PIK3C3: variants seen among roughly 807,000 people sequenced by gnomAD.
PIK3C3 encodes phosphatidylinositol 3-kinase catalytic subunit type 3, also known as PI3-kinase type 3.
Under a neutral mutation model 126.1 loss-of-function variants are expected in PIK3C3, and 95 were observed. That is an observed-to-expected ratio of 0.75 (90% CI 0.64 to 0.89). The LOEUF is 0.89. PIK3C3 is among the 40% of genes least tolerant of loss of function. The probability of loss-of-function intolerance (pLI) is 0.00; values close to 1 mark genes in which losing one functional copy is unlikely to be tolerated. For synonymous variants in PIK3C3, 374 were observed against 360.0 expected, an observed-to-expected ratio of 1.04 and a Z score of -0.44; for missense variants, 829 against 1,063.2, an observed-to-expected ratio of 0.78 and a Z score of 3.06.
At chr18:42,046,811 A>G (rs1984578428) in intron 20 of PIK3C3, among the ~76,000 whole-genome samples, 1 of 152,120 alleles carries the variant, frequency 6.6e-6, no homozygotes, top group African/African-American at 2.4e-5. Context: ...GACACTTTAA[A>G]CTATTGAAGC....
At chr18:42,074,195 G>A (rs754549466) in intron 24 of PIK3C3, among the ~76,000 whole-genome samples, 24 of 152,078 alleles carry the variant, frequency 1.6e-4, no homozygotes, top group Non-Finnish European at 3.4e-4. Context: ...ATACCATAAT[G>A]TGTTTTCATT....
intron 10 of PIK3C3, among the ~76,000 whole-genome samples, chr18:42,007,318 T>C (rs1567980256): frequency 6.6e-6 from 1 of 152,184 alleles, no homozygotes; most frequent in Non-Finnish European, 1.5e-5. Context: ...ACTTTAAATA[T>C]ATGACTAGAC....
intron 24 of PIK3C3, among the ~76,000 whole-genome samples, chr18:42,075,369 A>G (rs902633592): frequency 3.9e-5 from 6 of 152,134 alleles, no homozygotes; most frequent in African/African-American, 7.2e-5. Flanking sequence ...GCTTAAGTAA[A>G]TAATGTAACA....
intron 4 of PIK3C3, among the ~76,000 whole-genome samples, chr18:41,983,160 T>A (rs1195660293): frequency 6.6e-6 from 1 of 152,160 alleles, no homozygotes; most frequent in Non-Finnish European, 1.5e-5. Context: ...TTTAAGTGCT[T>A]ACTATATTGA....
At chr18:41,966,245 C>G (rs182213684) in intron 3 of PIK3C3, among the ~76,000 whole-genome samples, 1 of 141,536 alleles carries the variant, frequency 7.1e-6, no homozygotes, top group East Asian at 2.2e-4. Context: ...TCTGAGCTCA[C>G]TGCAACCTCC....
rs1433909068 is a variant in PIK3C3, at chr18:42,013,608, C to T, written c.1325+12C>T. 6.5e-7 allele frequency: 1 copy of T among 1,548,348 alleles called. No homozygotes were observed. Among genetic ancestry groups the T allele is most frequent in the South Asian group, 1.2e-5 (1 of 83,470 alleles). On this transcript the variant is annotated intron_variant, in intron 11 of 24. Coordinates refer to ENST00000262039, the MANE Select transcript of PIK3C3 (RefSeq NM_002647.4). ...GCAGAAATAGATAGGTATGGATATC[C>T]AGGGAGGACATATTTTCTAGTTTGT...
intron 12 of PIK3C3, among the ~76,000 whole-genome samples, chr18:42,018,385 A>C (rs1983171830): frequency 6.6e-6 from 1 of 152,114 alleles, no homozygotes; most frequent in Admixed American, 6.6e-5. Flanking sequence ...TTGCTATTGA[A>C]ATATATACAT....
intron 14 of PIK3C3, among the ~76,000 whole-genome samples, chr18:42,027,902 T>C (rs1161636627): frequency 6.6e-6 from 1 of 152,146 alleles, no homozygotes. Context: ...GTGATGCACC[T>C]GCCTCGGCCT....
chr18:42,015,594 A>G (rs1335279957), intron 12 of PIK3C3, 28 bp downstream of exon 12: 9 of 1,488,864 alleles, frequency 6.0e-6, no homozygotes, highest in African/African-American at 2.8e-5. Context: ...CCAGCTTCCT[A>G]TAGGAGAGAT....
chr18:41,979,397 A>G (rs1981086477), intron 4 of PIK3C3, among the ~76,000 whole-genome samples: 1 of 152,194 alleles, frequency 6.6e-6, no homozygotes, highest in South Asian at 2.1e-4. Flanking sequence ...ATATACTTGC[A>G]TGTTATCTCT....
In PIK3C3 at chr18:42,037,857, T is replaced by C. The variant is rs779790615; in HGVS notation, c.1968+37T>C. 17 of 1,577,486 alleles carry C rather than the reference T, an allele frequency of 1.1e-5. No homozygotes were observed. In the African/African-American group the frequency reaches 1.2e-4, roughly 11 times the overall value. ...CTTATGTTGGTGGGGAACATTTTTT[T>C]CGTTTTGGAATACTGTGGCTTAGTT... is the stretch of plus-strand genomic sequence containing the variant. On this transcript the variant is annotated intron_variant, in intron 17 of 24. Transcript: ENST00000262039.
intron 13 of PIK3C3, among the ~76,000 whole-genome samples, chr18:42,023,030 A>G: frequency 6.6e-6 from 1 of 152,198 alleles, no homozygotes; most frequent in Non-Finnish European, 1.5e-5. Flanking sequence ...TAAGTTTTTG[A>G]GTAAATATTT....
chr18:42,009,046 A>G (rs1027051416), intron 10 of PIK3C3, among the ~76,000 whole-genome samples: 1 of 151,726 alleles, frequency 6.6e-6, no homozygotes, highest in East Asian at 1.9e-4. Flanking sequence ...AATTACTTAT[A>G]CCTCCAAAGA....
chr18:42,086,180 A>G lies in PIK3C3; in HGVS notation c.*5043A>G, dbSNP rs1371135646. 6.6e-6 allele frequency: 1 copy of G among 152,238 alleles called. No homozygotes were observed. Among genetic ancestry groups the G allele is most frequent in the African/African-American group, 2.4e-5 (1 of 41,462 alleles). 9.4% of individuals were successfully genotyped at this position (152,238 alleles called of 1,614,324 possible). On this transcript the variant is annotated 3_prime_UTR_variant, in exon 25 of 25. Coordinates refer to ENST00000262039, the MANE Select transcript of PIK3C3 (RefSeq NM_002647.4). ...TCAGTGTTTGCATTAGATTGTCACC[A>G]GCACTATCTGCCTTGTGACTGTCAG... is the stretch of plus-strand genomic sequence containing the variant.
At chr18:42,062,261 T>C (rs1358502450) in intron 22 of PIK3C3, among the ~76,000 whole-genome samples, 2 of 150,630 alleles carry the variant, frequency 1.3e-5, no homozygotes, top group South Asian at 2.1e-4. Flanking sequence ...TTTTATAATA[T>C]GTAACAGCGG....
intron 24 of PIK3C3, among the ~76,000 whole-genome samples, chr18:42,079,595 A>G (rs775293218): frequency 3.6e-4 from 55 of 152,152 alleles, no homozygotes; most frequent in Non-Finnish European, 6.8e-4. Flanking sequence ...AAAACAAAAC[A>G]AAACAGTATC....
chr18:42,016,632 A>C (rs531597777), intron 12 of PIK3C3, among the ~76,000 whole-genome samples: 1 of 152,174 alleles, frequency 6.6e-6, no homozygotes, highest in Non-Finnish European at 1.5e-5. Context: ...CCATATGGCT[A>C]TCTGGGGAAG....
At chr18:41,966,316 C>T (rs555692973) in intron 3 of PIK3C3, among the ~76,000 whole-genome samples, 2 of 151,702 alleles carry the variant, frequency 1.3e-5, no homozygotes, top group Non-Finnish European at 2.9e-5. Flanking sequence ...ATTACAGGCC[C>T]ATGCCACCGT....
At chr18:42,078,674 A>G (rs937127741) in intron 24 of PIK3C3, among the ~76,000 whole-genome samples, 8 of 152,226 alleles carry the variant, frequency 5.3e-5, no homozygotes, top group African/African-American at 1.9e-4. Flanking sequence ...AGCCTGTTTC[A>G]TCTGCATTGA....
Sources: allele counts gnomAD v4.1 joint callset (sites outside exome capture counted in the v4.1 genomes callset), GRCh38; gene constraint gnomAD v4.1.1; transcripts MANE v1.5; gene names NCBI Gene and HGNC (gene_info 2026-07-23, HGNC 2026-07-21).